Variants in EHBP1 observed in about 807,000 individuals in gnomAD.
EHBP1 encodes the protein EH domain-binding protein 1.
In EHBP1, 55 loss-of-function variants were observed where a neutral mutation model predicts 144.0. The ratio of observed to expected loss-of-function variants is 0.38; its 90% CI spans 0.31 to 0.48. EHBP1 has a LOEUF of 0.48. Ranked by LOEUF, EHBP1 falls within the 20% of genes least tolerant of loss-of-function variation. The pLI, the probability that EHBP1 is intolerant of heterozygous loss-of-function variation, is 0.98. For missense variants in EHBP1, 1,200 were observed against 1,364.2 expected, an observed-to-expected ratio of 0.88 and a Z score of 1.90; for synonymous variants, 469 against 472.7, an observed-to-expected ratio of 0.99 and a Z score of 0.10.
In EHBP1 at chr2:62,754,112, A is replaced by G. The variant is rs374179502; in HGVS notation, c.162+6660A>G. 4.2e-4 allele frequency among the ~76,000 whole-genome samples: 64 copies of G among 152,058 alleles called. 1 individual carries two copies. The East Asian group carries it at 0.011, about 25-fold the overall frequency. On this transcript the variant is annotated intron_variant, in intron 3 of 22. Transcript: ENST00000431489. ...AGCTCTTCTGCTCTGTTTTTTCCCC[A>G]TCTTTGTGGTTTTATCTACCTTCGG... is the stretch of plus-strand genomic sequence containing the variant.
At chr2:62,802,859 G>A (rs1358943544) in intron 5 of EHBP1, among the ~76,000 whole-genome samples, 1 of 151,696 alleles carries the variant, frequency 6.6e-6, no homozygotes, top group African/African-American at 2.4e-5. Flanking sequence ...CCAATAGCTG[G>A]GATTAGAGGT....
intron 2 of EHBP1, among the ~76,000 whole-genome samples, chr2:62,712,663 C>A (rs2035264597): frequency 6.6e-6 from 1 of 151,932 alleles, no homozygotes. Context: ...GGAATATAAG[C>A]TGGAAAAGGA....
intron 1 of EHBP1, among the ~76,000 whole-genome samples, chr2:62,688,796 ACACTT>A (rs2033807613): frequency 6.6e-6 from 1 of 151,728 alleles, no homozygotes; most frequent in South Asian, 2.1e-4. Context: ...AAGAAACCAA[ACACTT>A]CTGAAATGGG....
chr2:62,895,082 A>G (rs1038433002), intron 10 of EHBP1, among the ~76,000 whole-genome samples: 9 of 152,170 alleles, frequency 5.9e-5, no homozygotes, highest in African/African-American at 1.9e-4. Flanking sequence ...TTCTACTTAC[A>G]TGGCATTCCA....
chr2:62,877,728 G>T (rs779255270), intron 10 of EHBP1, among the ~76,000 whole-genome samples: 1 of 152,144 alleles, frequency 6.6e-6, no homozygotes, highest in African/African-American at 2.4e-5. Flanking sequence ...ACCTGCTCCT[G>T]AATGACTTTT....
chr2:62,723,715 T>G (rs2151948341), intron 2 of EHBP1, among the ~76,000 whole-genome samples: 1 of 152,312 alleles, frequency 6.6e-6, no homozygotes, highest in South Asian at 2.1e-4. Context: ...TGGAAAGGAT[T>G]TTATTTCTCC....
At chr2:62,943,376 CAAAAAAAAA>C (rs11306610) in intron 11 of EHBP1, among the ~76,000 whole-genome samples, 4 of 87,858 alleles carry the variant, frequency 4.6e-5, no homozygotes, top group Non-Finnish European at 6.3e-5. Flanking sequence ...AACTCCGTCT[CAAAAAAAAA>C]AAAAAAAAAA....
chr2:62,823,650 G>T (rs1225601389), intron 5 of EHBP1, among the ~76,000 whole-genome samples: 2 of 152,024 alleles, frequency 1.3e-5, no homozygotes, highest in Admixed American at 6.6e-5. Context: ...CATGGAGTGG[G>T]GTTAGAGCTG....
At chr2:62,724,812 A>C (rs184459431) in intron 2 of EHBP1, among the ~76,000 whole-genome samples, 99 of 152,288 alleles carry the variant, frequency 6.5e-4, no homozygotes, top group African/African-American at 2.3e-3. Flanking sequence ...GCCTCCTGTC[A>C]GATCAGTGGT....
At chr2:63,002,251 A>G (rs2059879955) in intron 19 of EHBP1, among the ~76,000 whole-genome samples, 1 of 152,108 alleles carries the variant, frequency 6.6e-6, no homozygotes, top group Non-Finnish European at 1.5e-5. Flanking sequence ...GAGTTATGTT[A>G]AAAATAAAAC....
intron 19 of EHBP1, among the ~76,000 whole-genome samples, chr2:63,011,811 T>G (rs2153234079): frequency 6.6e-6 from 1 of 152,030 alleles, no homozygotes; most frequent in Non-Finnish European, 1.5e-5. Flanking sequence ...GAGAATTCAG[T>G]GAAGGAGATA....
At chr2:62,733,830 C>T (rs2037848554) in intron 2 of EHBP1, among the ~76,000 whole-genome samples, 1 of 152,144 alleles carries the variant, frequency 6.6e-6, no homozygotes, top group African/African-American at 2.4e-5. Flanking sequence ...CAGACTTGTC[C>T]ACATCCAACC....
At chr2:62,805,081 T>C (rs893764676) in intron 5 of EHBP1, among the ~76,000 whole-genome samples, 4 of 152,214 alleles carry the variant, frequency 2.6e-5, no homozygotes, top group Non-Finnish European at 5.9e-5. Flanking sequence ...AAAGTATACA[T>C]GTTTTGGATC....
At chr2:62,969,712 G>A (rs1317362233) in intron 14 of EHBP1, among the ~76,000 whole-genome samples, 1 of 152,166 alleles carries the variant, frequency 6.6e-6, no homozygotes, top group Non-Finnish European at 1.5e-5. Flanking sequence ...GGGCAAACTT[G>A]AGAAAGATTT....
intron 2 of EHBP1, among the ~76,000 whole-genome samples, chr2:62,715,354 TC>T (rs1397032166): frequency 6.6e-6 from 1 of 152,120 alleles, no homozygotes; most frequent in East Asian, 1.9e-4. Context: ...GACCTCGTGA[TC>T]CGCCTGCTTC....
In EHBP1 at chr2:62,955,468, G is replaced by A. The variant is rs375284647; in HGVS notation, c.2317-49G>A. The A allele has an allele frequency of 2.2e-5, 34 of 1,559,700 alleles. No homozygotes were observed. The African/African-American group carries it at 2.9e-4, about 13-fold the overall frequency. ...AACCTTTCATTAGTTTACAAATGTA[G>A]ATTACCCGTTTTTTTTTTGGCTTCT... On this transcript the variant is annotated intron_variant, in intron 13 of 22. Transcript: ENST00000431489.
chr2:62,715,928 T>TG, intron 2 of EHBP1, among the ~76,000 whole-genome samples: 1 of 152,374 alleles, frequency 6.6e-6, no homozygotes, highest in Non-Finnish European at 1.5e-5. Flanking sequence ...ATACATGTTA[T>TG]GCTTAATTAA....
chr2:62,910,438 A>T (rs1385381899), intron 10 of EHBP1, among the ~76,000 whole-genome samples: 2 of 152,072 alleles, frequency 1.3e-5, no homozygotes, highest in African/African-American at 4.8e-5. Context: ...TATGACTTAA[A>T]CCATCGTGTT....
intron 10 of EHBP1, among the ~76,000 whole-genome samples, chr2:62,884,880 A>C (rs966757093): frequency 6.6e-6 from 1 of 152,196 alleles, no homozygotes. Context: ...CTATTTAAGG[A>C]AGCAGGAAAA....
Sources: allele counts gnomAD v4.1 joint callset (sites outside exome capture counted in the v4.1 genomes callset), GRCh38; gene constraint gnomAD v4.1.1; transcripts MANE v1.5; gene names NCBI Gene and HGNC (gene_info 2026-07-23, HGNC 2026-07-21).